The following EZR variants were observed in gnomAD, a reference collection of about 807,000 sequenced individuals.
EZR encodes the protein ezrin, also known as cytovillin 2.
Under a neutral mutation model 74.8 loss-of-function variants are expected in EZR, and 40 were observed. The observed-to-expected ratio is 0.53, with a 90% CI of 0.42 to 0.70. EZR has a LOEUF of 0.70. EZR is among the 30% of genes least tolerant of loss of function. EZR has a pLI of 0.00. For synonymous variants in EZR, 341 were observed against 283.3 expected (o/e 1.20, Z -2.05); for missense variants, 678 against 755.8 (o/e 0.90, Z 1.21).
intron 2 of EZR, among the ~76,000 whole-genome samples, chr6:158,814,536 GAATA>G (rs1322227929): frequency 2.2e-5 from 3 of 136,568 alleles, no homozygotes; most frequent in Non-Finnish European, 4.6e-5. Flanking sequence ...GCTTGCTGAT[GAATA>G]AAGTCTTTTT....
chr6:158,789,611 G>C (rs1791679795), intron 2 of EZR: 1 of 629,920 alleles, frequency 1.6e-6, no homozygotes, highest in Non-Finnish European at 3.0e-6. Context: ...CTGACACTTA[G>C]GTCTAAGCAG....
intron 7 of EZR, among the ~76,000 whole-genome samples, chr6:158,782,372 G>A (rs190022646): frequency 2.6e-5 from 4 of 152,332 alleles, no homozygotes; most frequent in African/African-American, 9.6e-5. Flanking sequence ...ACTCCAGAGA[G>A]GGTTTTGGGG....
chr6:158,816,635 T>C (rs1455111841), intron 2 of EZR, among the ~76,000 whole-genome samples: 1 of 152,222 alleles, frequency 6.6e-6, no homozygotes, highest in African/African-American at 2.4e-5. Flanking sequence ...AAGAAAAATT[T>C]TGTATAGAAA....
chr6:158,783,832 G>A (rs1343205293), intron 6 of EZR, among the ~76,000 whole-genome samples, 166 bp from the exon 7 acceptor site: 1 of 152,164 alleles, frequency 6.6e-6, no homozygotes, highest in Non-Finnish European at 1.5e-5. Flanking sequence ...GTGAGGAGGG[G>A]ACCCATACAG....
chr6:158,814,401 C>CT (rs1401737144), intron 2 of EZR, among the ~76,000 whole-genome samples: 1 of 124,830 alleles, frequency 8.0e-6, no homozygotes, highest in African/African-American at 3.1e-5. Flanking sequence ...TACCTAGGCT[C>CT]TTTCCCAGTC....
At position 158,770,809 on chromosome 6, in the gene EZR, G is replaced by C; in HGVS notation, c.1045C>G (p.Leu349Val). 1.3e-5 allele frequency: 21 copies of C among 1,614,120 alleles called. No individual in the cohort carries two copies. The highest frequency in any genetic ancestry group is 1.7e-5 in the Non-Finnish European group (20 of 1,180,016). ...QMMREKEELM[L>V]RLQDYEEKTK... ...TTCTCCTCATAGTCCTGCAGCCGCA[G>C]CATCAACTCCTCCTTCTCGCGCATC... The change falls in exon 10 of 14, where the codon CTG becomes GTG. Residue 349 changes from leucine to valine, a missense_variant. Around this residue, in one of 3 missense-constraint regions of EZR, gnomAD observed 342 missense variants for 341.2 expected, o/e 1.00. Transcript: ENST00000367075.
chr6:158,805,112 G>A (rs923628283), intron 2 of EZR, among the ~76,000 whole-genome samples: 3 of 152,002 alleles, frequency 2.0e-5, no homozygotes, highest in Non-Finnish European at 4.4e-5. Context: ...TGAGGCTGAG[G>A]TGGGTGGATC....
chr6:158,795,239 G>C (rs972115970), intron 2 of EZR, among the ~76,000 whole-genome samples: 3 of 152,038 alleles, frequency 2.0e-5, no homozygotes, highest in Non-Finnish European at 2.9e-5. Context: ...GTGACAGGGT[G>C]AGACTCCATC....
At chr6:158,798,163 A>G (rs1022433241) in intron 2 of EZR, among the ~76,000 whole-genome samples, 1 of 152,078 alleles carries the variant, frequency 6.6e-6, no homozygotes, top group African/African-American at 2.4e-5. Flanking sequence ...CCAGCACTTC[A>G]TTCTTTTTTT....
intron 8 of EZR, among the ~76,000 whole-genome samples, chr6:158,774,446 T>C (rs1436252034): frequency 1.3e-5 from 2 of 152,080 alleles, no homozygotes; most frequent in African/African-American, 2.4e-5. Context: ...TTCACGTAAA[T>C]GTAGGCTCAC....
chr6:158,807,031 G>A (rs1777355093), intron 2 of EZR, among the ~76,000 whole-genome samples: 1 of 152,128 alleles, frequency 6.6e-6, no homozygotes. Flanking sequence ...AAACATAACA[G>A]GCCAGGCGCA....
intron 2 of EZR, among the ~76,000 whole-genome samples, chr6:158,791,104 A>G (rs1351045861): frequency 6.6e-6 from 1 of 152,172 alleles, no homozygotes; most frequent in African/African-American, 2.4e-5. Context: ...ACCCCGTCCC[A>G]ATAACATTTA....
intron 2 of EZR, among the ~76,000 whole-genome samples, chr6:158,805,758 G>A (rs966421899): frequency 1.3e-5 from 2 of 152,054 alleles, no homozygotes; most frequent in African/African-American, 4.8e-5. Context: ...CATCTGAAAT[G>A]GCATTATAAT....
chr6:158,792,962 A>C (rs979380954), intron 2 of EZR, among the ~76,000 whole-genome samples: 1 of 152,018 alleles, frequency 6.6e-6, no homozygotes, highest in Non-Finnish European at 1.5e-5. Flanking sequence ...TTTTTTACCT[A>C]TGCTCCAACA....
intron 9 of EZR, 40 bp downstream of exon 9, chr6:158,771,204 G>A: frequency 6.4e-7 from 1 of 1,569,634 alleles, no homozygotes; most frequent in Non-Finnish European, 8.6e-7. Flanking sequence ...GCTGAGTTGG[G>A]AGAACACAGG....
intron 7 of EZR, among the ~76,000 whole-genome samples, chr6:158,780,077 G>A (rs892185355): frequency 6.6e-6 from 1 of 151,876 alleles, no homozygotes; most frequent in Admixed American, 6.5e-5. Context: ...TGGCTACTCG[G>A]GAGGCTGAGG....
intron 2 of EZR, among the ~76,000 whole-genome samples, chr6:158,807,602 C>G (rs1777371131): frequency 6.6e-6 from 1 of 152,120 alleles, no homozygotes; most frequent in Non-Finnish European, 1.5e-5. Flanking sequence ...CACAGTGGGC[C>G]CACTCCTAAG....
intron 7 of EZR, among the ~76,000 whole-genome samples, chr6:158,776,738 T>C (rs759555223): frequency 8.5e-5 from 13 of 152,226 alleles, no homozygotes; most frequent in Non-Finnish European, 1.6e-4. Context: ...CTTTGGTTTT[T>C]CCTCAGTCTA....
rs772854417 is a variant in EZR, at chr6:158,767,055, C to T, written c.1620G>A (p.Gln540=). Residue 540 remains glutamine, a synonymous_variant, in exon 14 of 14, where the codon CAG becomes CAA. Coordinates refer to ENST00000367075, the MANE Select transcript of EZR (RefSeq NM_001111077.2). ...QLLTLSSELS[Q]ARDENKRTHN... ...GGGTCCTCTTATTCTCATCTCGGGC[C>T]TGGGACAGCTCGCTGCTCAGCGTCT... The T allele has an allele frequency of 1.2e-6, 2 of 1,614,102 alleles. No homozygotes were observed. Among genetic ancestry groups the T allele is most frequent in the African/African-American group, 2.7e-5 (2 of 74,936 alleles).
Sources: gnomAD v4.1 joint callset for allele counts (sites outside exome capture counted in the v4.1 genomes callset) on GRCh38, gnomAD v4.1.1 for gene constraint, gnomAD v4.1.1 regional missense constraint, MANE v1.5 for transcripts, NCBI Gene and HGNC (gene_info 2026-07-23, HGNC 2026-07-21) for gene names.